The following NEK10 variants were observed in gnomAD, a reference collection of about 807,000 sequenced individuals.
NEK10 encodes the protein NIMA related kinase 10.
In NEK10, 122 loss-of-function variants were observed where a neutral mutation model predicts 159.8. The observed-to-expected ratio is 0.76, with a 90% CI of 0.66 to 0.89. The LOEUF (loss-of-function observed/expected upper bound fraction) is 0.89, where lower values mean the gene tolerates loss of function less well. Among genes scored for constraint, NEK10 ranks in the 40% least tolerant of loss-of-function variants. The pLI, the probability that NEK10 is intolerant of heterozygous loss-of-function variation, is 0.00. For missense variants in NEK10, 1,342 were observed against 1,323.1 expected (o/e 1.01, Z -0.22); for synonymous variants, 466 against 457.1 (o/e 1.02, Z -0.25).
intron 13 of NEK10, among the ~76,000 whole-genome samples, chr3:27,299,275 C>T (rs189758185): frequency 1.4e-4 from 21 of 152,324 alleles, no homozygotes; most frequent in African/African-American, 4.3e-4. Flanking sequence ...GGCCAAGGTA[C>T]AGCTTAGGCT....
intron 26 of NEK10, among the ~76,000 whole-genome samples, chr3:27,189,388 T>G (rs1948914072): frequency 6.6e-6 from 1 of 152,106 alleles, no homozygotes; most frequent in African/African-American, 2.4e-5. Context: ...ATTTGCAAAA[T>G]TTCAGTAATT....
chr3:27,266,490 T>G lies in NEK10; in HGVS notation c.2015-10119A>C, dbSNP rs185162144. Among the ~76,000 whole-genome samples the G allele has an allele frequency of 2.4e-3, 363 of 152,284 alleles. 1 individual carries two copies. The highest frequency in any genetic ancestry group is 8.4e-3 in the African/African-American group (349 of 41,554). ...CATATTCATCTGGATAATCAAAACT[T>G]TCACTTAAGTGTCTCCTAGGCATCT... is the stretch of plus-strand genomic sequence containing the variant. On this transcript the variant is annotated intron_variant, in intron 22 of 35. Transcript: ENST00000691995.
At chr3:27,204,175 T>A (rs937455723) in intron 23 of NEK10, among the ~76,000 whole-genome samples, 20 of 151,320 alleles carry the variant, frequency 1.3e-4, no homozygotes, top group African/African-American at 4.8e-4. Flanking sequence ...CTCAAATCCC[T>A]TTTGCATTTC....
At chr3:27,159,425 A>G (rs1221167583) in intron 30 of NEK10, among the ~76,000 whole-genome samples, 1 of 152,200 alleles carries the variant, frequency 6.6e-6, no homozygotes, top group Non-Finnish European at 1.5e-5. Context: ...GATGTAAAGA[A>G]AAATATCAGG....
At chr3:27,305,093 A>G in intron 11 of NEK10, 122 bp from the exon 12 acceptor site, 1 of 660,108 alleles carries the variant, frequency 1.5e-6, no homozygotes, top group South Asian at 1.9e-5. Context: ...GTCATGGGTC[A>G]ATGTGCCATT....
intron 14 of NEK10, among the ~76,000 whole-genome samples, chr3:27,296,490 T>A (rs1202351631): frequency 6.6e-6 from 1 of 152,186 alleles, no homozygotes; most frequent in African/African-American, 2.4e-5. Context: ...CCTAATTTAA[T>A]CATTGATGAG....
chr3:27,215,872 T>C (rs1951470908), intron 23 of NEK10: 1 of 714,700 alleles, frequency 1.4e-6, no homozygotes, highest in Non-Finnish European at 2.6e-6. Flanking sequence ...AAGGTAGAGG[T>C]GCTGCACACT....
At chr3:27,264,004 ATAT>A (rs1466845286) in intron 22 of NEK10, among the ~76,000 whole-genome samples, 1 of 152,200 alleles carries the variant, frequency 6.6e-6, no homozygotes, top group Non-Finnish European at 1.5e-5. Context: ...TAAATGATGT[ATAT>A]TATTATTTAA....
At chr3:27,292,803 C>T (rs11927257) in intron 16 of NEK10, among the ~76,000 whole-genome samples, 59,802 of 150,526 alleles carry the variant, frequency 0.4, 15,490 homozygotes, top group African/African-American at 0.75. Flanking sequence ...AATTTTACTT[C>T]ATTTTCCTCT....
chr3:27,191,288 C>G (rs900402139), intron 26 of NEK10, among the ~76,000 whole-genome samples: 1 of 151,700 alleles, frequency 6.6e-6, no homozygotes, highest in Non-Finnish European at 1.5e-5. Context: ...GGGCCCACCC[C>G]CAGAACAGGA....
chr3:27,154,991 AAAG>A (rs1256537847), intron 30 of NEK10, among the ~76,000 whole-genome samples: 1 of 152,188 alleles, frequency 6.6e-6, no homozygotes, highest in Non-Finnish European at 1.5e-5. Flanking sequence ...CCAAATCAGT[AAAG>A]AAGAAGTCAA....
intron 26 of NEK10, among the ~76,000 whole-genome samples, chr3:27,177,566 A>T (rs1213509802): frequency 1.3e-5 from 2 of 150,136 alleles, no homozygotes; most frequent in African/African-American, 2.5e-5. Context: ...ATATATATAT[A>T]TTTCTATAAC....
chr3:27,325,752 T>C (rs748882562), intron 5 of NEK10, among the ~76,000 whole-genome samples: 24 of 152,170 alleles, frequency 1.6e-4, no homozygotes, highest in Non-Finnish European at 2.6e-4. Context: ...GAGTGCTCAT[T>C]ATAGATTACA....
chr3:27,150,523 T>A (rs1356574569), intron 30 of NEK10, among the ~76,000 whole-genome samples: 1 of 152,210 alleles, frequency 6.6e-6, no homozygotes, highest in Non-Finnish European at 1.5e-5. Context: ...AAAGCCTGGA[T>A]GAAAGCACTC....
chr3:27,152,402 A>G (rs767770791), intron 30 of NEK10, among the ~76,000 whole-genome samples: 1 of 152,190 alleles, frequency 6.6e-6, no homozygotes, highest in Non-Finnish European at 1.5e-5. Flanking sequence ...TAAGCATCAT[A>G]TATGAAGGAA....
intron 32 of NEK10, among the ~76,000 whole-genome samples, chr3:27,130,273 G>A (rs1942459845): frequency 2.0e-5 from 3 of 152,090 alleles, no homozygotes; most frequent in African/African-American, 7.2e-5. Flanking sequence ...TATTCCTGAG[G>A]GTTCTCTCAC....
At chr3:27,298,527 C>T (rs938638521) in intron 13 of NEK10, among the ~76,000 whole-genome samples, 45 of 152,088 alleles carry the variant, frequency 3.0e-4, no homozygotes, top group African/African-American at 1.1e-3. Context: ...TAAATTGGTA[C>T]CAGTAGAGTC....
intron 32 of NEK10, among the ~76,000 whole-genome samples, chr3:27,121,897 C>CTCA (rs10630268): frequency 0.027 from 4,046 of 152,100 alleles, 174 homozygotes; most frequent in African/African-American, 0.092. Context: ...GTTCATAAAA[C>CTCA]TTCATGAGGC....
At chr3:27,343,199 C>A (rs1055348052) in intron 5 of NEK10, among the ~76,000 whole-genome samples, 1 of 152,118 alleles carries the variant, frequency 6.6e-6, no homozygotes, top group African/African-American at 2.4e-5. Flanking sequence ...ATTGGACAGT[C>A]ATTTAAGTCC....
Sources: allele counts gnomAD v4.1 joint callset (sites outside exome capture counted in the v4.1 genomes callset), GRCh38; gene constraint gnomAD v4.1.1; transcripts MANE v1.5; gene names NCBI Gene and HGNC (gene_info 2026-07-23, HGNC 2026-07-21).